Variants in SNX29 observed in about 807,000 individuals in gnomAD.
SNX29 encodes the protein sorting nexin-29.
A neutral mutation model predicts 102.1 loss-of-function variants in SNX29; 78 were observed. The ratio of observed to expected loss-of-function variants is 0.76; its 90% CI spans 0.64 to 0.92. SNX29 has a LOEUF of 0.92. Among genes scored for constraint, SNX29 ranks in the 40% least tolerant of loss-of-function variants. SNX29 has a pLI of 0.00. For synonymous variants in SNX29, 580 were observed against 414.5 expected (o/e 1.40, Z -4.85); for missense variants, 1,280 against 1,061.7 (o/e 1.21, Z -2.86).
intron 15 of SNX29, among the ~76,000 whole-genome samples, chr16:12,345,739 G>A (rs1487283568): frequency 6.6e-6 from 1 of 152,192 alleles, no homozygotes; most frequent in African/African-American, 2.4e-5. Context: ...ACAGTGGGAA[G>A]GTGGGGGTGC....
rs1197195880 is a variant in SNX29 at position 12,286,889 on chromosome 16, G to A, written c.1782+8853G>A. ...AGAATCTATCTTTAAAAGATAAGAG[G>A]TCTTTTAAAAACCCCACATTACTGC... is the stretch of plus-strand genomic sequence containing the variant. On this transcript the variant is annotated intron_variant, in intron 15 of 20. Transcript: ENST00000566228. Among the ~76,000 whole-genome samples, 6 of 152,158 alleles carry A rather than the reference G, an allele frequency of 3.9e-5. No individual in the cohort carries two copies. The East Asian group carries it at 9.7e-4, about 24-fold the overall frequency.
chr16:12,553,874 C>T (rs564807280), intron 20 of SNX29, among the ~76,000 whole-genome samples: 2 of 152,116 alleles, frequency 1.3e-5, no homozygotes, highest in Admixed American at 1.3e-4. Context: ...GATGGAGTCT[C>T]ACTCTTTTGC....
chr16:12,174,937 AAAAC>A (rs2076226909), intron 13 of SNX29, among the ~76,000 whole-genome samples: 1 of 152,094 alleles, frequency 6.6e-6, no homozygotes, highest in Non-Finnish European at 1.5e-5. Context: ...TATTAAAAAA[AAAAC>A]AACCAATTAT....
intron 14 of SNX29, among the ~76,000 whole-genome samples, chr16:12,225,624 A>G (rs2077590024): frequency 6.6e-6 from 1 of 152,198 alleles, no homozygotes; most frequent in African/African-American, 2.4e-5. Flanking sequence ...TGTCTTTATC[A>G]GCATTGTGAA....
At chr16:12,447,165 CAAAAAAAAAAAAAAA>C (rs59942122) in intron 18 of SNX29, among the ~76,000 whole-genome samples, 1 of 43,914 alleles carries the variant, frequency 2.3e-5, no homozygotes, top group Non-Finnish European at 3.8e-5. Flanking sequence ...GACTCTGTCT[CAAAAAAAAAAAAAAA>C]AAAAAAAAAA....
intron 14 of SNX29, among the ~76,000 whole-genome samples, chr16:12,272,479 C>T (rs926151395): frequency 4.6e-5 from 7 of 152,238 alleles, no homozygotes; most frequent in Admixed American, 6.5e-5. Flanking sequence ...CTTCATGCTG[C>T]GGTGCCTGCC....
chr16:12,288,032 T>A lies in SNX29; in HGVS notation c.1782+9996T>A, dbSNP rs7205453. ...GAGACCCTGTAATTACAAAAAAAAA[T>A]TTTTTTAACTAGCTGGGTACATCAG... On this transcript the variant is annotated intron_variant, in intron 15 of 20. Transcript: ENST00000566228. 6.5e-3 allele frequency among the ~76,000 whole-genome samples: 990 copies of A among 152,116 alleles called. 8 individuals carry two copies. The highest frequency in any genetic ancestry group is 0.021 in the African/African-American group (873 of 41,488).
intron 14 of SNX29, among the ~76,000 whole-genome samples, chr16:12,247,462 G>A (rs973116375): frequency 3.3e-5 from 5 of 151,922 alleles, no homozygotes; most frequent in Non-Finnish European, 7.4e-5. Context: ...AATACCTTCC[G>A]ACTTACAGCA....
chr16:12,318,639 G>A (rs367904264), intron 15 of SNX29, among the ~76,000 whole-genome samples: 1 of 152,184 alleles, frequency 6.6e-6, no homozygotes, highest in African/African-American at 2.4e-5. Flanking sequence ...GGACCAAACC[G>A]AGGGTTGCGC....
In SNX29 at chr16:12,127,637, G is replaced by C. The variant is rs1044859208; in HGVS notation, c.1466+941G>C. 2.0e-5 allele frequency among the ~76,000 whole-genome samples: 3 copies of C among 152,056 alleles called. No homozygotes were observed. The East Asian group carries it at 5.8e-4, about 29-fold the overall frequency. ...GGGTTTTGACAGGTTGCCTAGGCTG[G>C]TCTTGAACTTCTGAGCTTCAGTAAT... On this transcript the variant is annotated intron_variant, in intron 12 of 20. Coordinates refer to ENST00000566228, the MANE Select transcript of SNX29 (RefSeq NM_032167.5).
intron 18 of SNX29, among the ~76,000 whole-genome samples, chr16:12,420,508 G>C (rs1452234274): frequency 6.6e-6 from 1 of 152,148 alleles, no homozygotes; most frequent in Non-Finnish European, 1.5e-5. Flanking sequence ...TCCTGGTGTT[G>C]GCAAGTGTTT....
Position 12,527,563 on chromosome 16 carries a change from C to T in SNX29, c.2318+2722C>T, listed in dbSNP as rs368548486. On this transcript the variant is annotated intron_variant, in intron 20 of 20. Coordinates refer to ENST00000566228, the MANE Select transcript of SNX29 (RefSeq NM_032167.5). ...CTGTGGATGTCAGCTTTGTGTTTCA[C>T]AGCACCCATCTCATCTCGTCTTCTG... Among the ~76,000 whole-genome samples, 14 of 152,276 alleles carry T rather than the reference C, an allele frequency of 9.2e-5. No homozygotes were observed. The South Asian group carries it at 2.1e-3, about 23-fold the overall frequency.
In SNX29 at chr16:12,572,726, A is replaced by C. The variant is rs1291127973; in HGVS notation, c.*4097A>C. 9.4e-7 allele frequency: 1 copy of C among 1,063,766 alleles called. No homozygotes were observed. Among genetic ancestry groups the C allele is most frequent in the African/African-American group, 1.6e-5 (1 of 60,954 alleles). 65.9% of individuals were successfully genotyped at this position (1,063,766 alleles called of 1,614,324 possible). The stretch of plus-strand genomic sequence containing the variant: ...ATCTTCCAGCCTTGGCACAGAACTG[A>C]TGGCAAAGGAAGGGCTGGGTTTTCA... On this transcript the variant is annotated 3_prime_UTR_variant, in exon 21 of 21. Coordinates refer to ENST00000566228, the MANE Select transcript of SNX29 (RefSeq NM_032167.5).
intron 14 of SNX29, among the ~76,000 whole-genome samples, chr16:12,252,169 T>A (rs2078441001): frequency 6.6e-6 from 1 of 152,240 alleles, no homozygotes; most frequent in Admixed American, 6.5e-5. Context: ...CACAAGGGTT[T>A]CTGCATACAG....
At chr16:12,111,690 C>G (rs1024124306) in intron 11 of SNX29, among the ~76,000 whole-genome samples, 13 of 152,118 alleles carry the variant, frequency 8.5e-5, no homozygotes, top group African/African-American at 3.1e-4. Flanking sequence ...GAGAGATCAC[C>G]TAGACTGAAT....
chr16:12,511,061 T>G (rs2089596775), intron 19 of SNX29, among the ~76,000 whole-genome samples: 1 of 152,180 alleles, frequency 6.6e-6, no homozygotes, highest in South Asian at 2.1e-4. Context: ...GGTTCAAGGC[T>G]GGGGTTCTGT....
At chr16:12,242,456 A>T (rs1008057480) in intron 14 of SNX29, among the ~76,000 whole-genome samples, 2 of 147,998 alleles carry the variant, frequency 1.4e-5, no homozygotes, top group African/African-American at 5.0e-5. Flanking sequence ...CTTGTCTTTT[A>T]TCTGGAAAGT....
chr16:12,006,228 A>AATAATAATG (rs2056448311), intron 3 of SNX29, among the ~76,000 whole-genome samples: 1 of 150,964 alleles, frequency 6.6e-6, no homozygotes, highest in Admixed American at 6.6e-5. Flanking sequence ...TAATAATAAT[A>AATAATAATG]ATAATAGCCA....
intron 18 of SNX29, among the ~76,000 whole-genome samples, chr16:12,437,962 C>T (rs1202314358): frequency 6.6e-6 from 1 of 152,092 alleles, no homozygotes; most frequent in Non-Finnish European, 1.5e-5. Flanking sequence ...CCCAGCTCTG[C>T]CTGGTGTGGG....
Sources: allele counts gnomAD v4.1 joint callset (sites outside exome capture counted in the v4.1 genomes callset), GRCh38; gene constraint gnomAD v4.1.1; transcripts MANE v1.5; gene names NCBI Gene and HGNC (gene_info 2026-07-23, HGNC 2026-07-21).